The following KCNU1 variants were observed in gnomAD, a reference collection of about 807,000 sequenced individuals.
KCNU1 encodes the protein potassium calcium-activated channel subfamily U member 1, also known as potassium channel subfamily U member 1.
Under a neutral mutation model 126.8 loss-of-function variants are expected in KCNU1, and 93 were observed. The ratio of observed to expected loss-of-function variants is 0.73; its 90% CI spans 0.62 to 0.87. KCNU1 has a LOEUF of 0.87. Ranked by LOEUF, KCNU1 falls within the 40% of genes least tolerant of loss-of-function variation. The pLI, the probability that KCNU1 is intolerant of heterozygous loss-of-function variation, is 0.00. For missense variants in KCNU1, 1,330 were observed against 1,367.1 expected (o/e 0.97, Z 0.43); for synonymous variants, 523 against 494.2 (o/e 1.06, Z -0.77).
intron 22 of KCNU1, among the ~76,000 whole-genome samples, chr8:36,913,166 A>G (rs866459742): frequency 6.6e-6 from 1 of 152,030 alleles, no homozygotes; most frequent in Non-Finnish European, 1.5e-5. Context: ...AGTTTCCTTT[A>G]TATCTAGTGA....
At chr8:36,884,752 A>C (rs1365292836) in intron 19 of KCNU1, among the ~76,000 whole-genome samples, 5 of 152,122 alleles carry the variant, frequency 3.3e-5, no homozygotes, top group Non-Finnish European at 5.9e-5. Context: ...TCTCAAAAAA[A>C]TAAAAAATAA....
intron 19 of KCNU1, among the ~76,000 whole-genome samples, chr8:36,891,783 C>T (rs1806973008): frequency 6.6e-6 from 1 of 151,862 alleles, no homozygotes; most frequent in Non-Finnish European, 1.5e-5. Context: ...TATGTTCTTC[C>T]ACTGCCTTCT....
intron 10 of KCNU1, 118 bp from the exon 11 acceptor site, chr8:36,833,436 A>G: frequency 1.9e-6 from 1 of 538,246 alleles, no homozygotes; most frequent in East Asian, 3.0e-5. Context: ...CTTGATTTGT[A>G]TTTTTTCATA....
chr8:36,883,419 C>T (rs554416142), intron 19 of KCNU1, among the ~76,000 whole-genome samples: 9 of 152,286 alleles, frequency 5.9e-5, no homozygotes, highest in East Asian at 3.9e-4. Context: ...CTCCTGTTCC[C>T]GCTGTCATAT....
chr8:36,874,232 A>G (rs904455218), intron 19 of KCNU1, among the ~76,000 whole-genome samples: 11 of 152,176 alleles, frequency 7.2e-5, no homozygotes, highest in African/African-American at 2.7e-4. Flanking sequence ...CCGAGTAGTC[A>G]CCATTCTTTT....
At chr8:36,800,622 G>A (rs1393701895) in intron 2 of KCNU1, among the ~76,000 whole-genome samples, 4 of 152,178 alleles carry the variant, frequency 2.6e-5, no homozygotes, top group Non-Finnish European at 2.9e-5. Flanking sequence ...CATGGCTCAG[G>A]TAAAGGGCTT....
At chr8:36,796,265 C>T (rs1182832236) in intron 2 of KCNU1, among the ~76,000 whole-genome samples, 2 of 152,062 alleles carry the variant, frequency 1.3e-5, no homozygotes, top group Non-Finnish European at 2.9e-5. Context: ...AATGTCAAAG[C>T]TTTTATGATT....
intron 24 of KCNU1, among the ~76,000 whole-genome samples, chr8:36,927,237 A>G (rs559749980): frequency 1.3e-5 from 2 of 152,306 alleles, no homozygotes; most frequent in Admixed American, 1.3e-4. Flanking sequence ...ATGTAGAATA[A>G]TAGGTTTTTC....
intron 2 of KCNU1, among the ~76,000 whole-genome samples, chr8:36,801,773 A>G (rs1803315761): frequency 6.6e-6 from 1 of 152,042 alleles, no homozygotes; most frequent in Non-Finnish European, 1.5e-5. Context: ...AAACCGTCAA[A>G]CTTAGTACTA....
chr8:36,837,563 G>T (rs16885486), intron 14 of KCNU1, among the ~76,000 whole-genome samples: 3 of 152,170 alleles, frequency 2.0e-5, no homozygotes, highest in African/African-American at 4.8e-5. Context: ...TTAGTGAGCC[G>T]CAGAGCTAGA....
chr8:36,789,397 C>T (rs1306438388), intron 2 of KCNU1, among the ~76,000 whole-genome samples: 2 of 152,086 alleles, frequency 1.3e-5, no homozygotes, highest in African/African-American at 2.4e-5. Context: ...AAAGGCATAA[C>T]TGAGTCTCTT....
At chr8:36,867,927 A>C (rs1805969855) in intron 19 of KCNU1, among the ~76,000 whole-genome samples, 2 of 152,144 alleles carry the variant, frequency 1.3e-5, no homozygotes, top group South Asian at 2.1e-4. Context: ...TTTTGACCCC[A>C]AGTAGACCAG....
intron 22 of KCNU1, among the ~76,000 whole-genome samples, chr8:36,911,708 G>A (rs1398587304): frequency 6.6e-6 from 1 of 152,194 alleles, no homozygotes; most frequent in African/African-American, 2.4e-5. Context: ...CCAGGATGGG[G>A]ATCATGTCTC....
At chr8:36,890,964 T>C (rs1035333373) in intron 19 of KCNU1, among the ~76,000 whole-genome samples, 7 of 151,842 alleles carry the variant, frequency 4.6e-5, no homozygotes, top group African/African-American at 1.7e-4. Context: ...TTGTGTCTCT[T>C]GTAAATGAAA....
intron 7 of KCNU1, among the ~76,000 whole-genome samples, chr8:36,809,768 A>T (rs1003483897): frequency 6.6e-6 from 1 of 152,212 alleles, no homozygotes; most frequent in African/African-American, 2.4e-5. Context: ...ATGCTAAAGG[A>T]AAAGTCATTA....
At chr8:36,913,509 C>T (rs183897054) in intron 22 of KCNU1, among the ~76,000 whole-genome samples, 8 of 151,654 alleles carry the variant, frequency 5.3e-5, no homozygotes, top group South Asian at 2.1e-4. Flanking sequence ...ATTTGTGTGA[C>T]GGGGAAATAT....
intron 18 of KCNU1, among the ~76,000 whole-genome samples, chr8:36,853,830 G>A (rs1271055717): frequency 6.6e-6 from 1 of 152,016 alleles, no homozygotes; most frequent in Non-Finnish European, 1.5e-5. Flanking sequence ...ATTTCTTCCT[G>A]TGGATTTGAA....
intron 18 of KCNU1, among the ~76,000 whole-genome samples, chr8:36,847,069 G>A (rs1023747000): frequency 2.0e-5 from 3 of 152,126 alleles, no homozygotes; most frequent in Non-Finnish European, 2.9e-5. Context: ...GTTACCTTCT[G>A]TCACCTCTGC....
intron 8 of KCNU1, 43 bp downstream of exon 8, chr8:36,814,420 C>T (rs1803835513): frequency 7.3e-7 from 1 of 1,376,352 alleles, no homozygotes; most frequent in Non-Finnish European, 1.0e-6. Flanking sequence ...GCTACATAAA[C>T]CAGAAATATT....
Sources: gnomAD v4.1 joint callset for allele counts (sites outside exome capture counted in the v4.1 genomes callset) on GRCh38, gnomAD v4.1.1 for gene constraint, MANE v1.5 for transcripts, NCBI Gene and HGNC (gene_info 2026-07-23, HGNC 2026-07-21) for gene names.